KLHL1: variants seen among roughly 807,000 people sequenced by gnomAD.
KLHL1 encodes the protein kelch like family member 1.
Under a neutral mutation model 77.7 loss-of-function variants are expected in KLHL1, and 47 were observed. That is an observed-to-expected ratio of 0.60 (90% CI 0.48 to 0.77). The LOEUF is 0.77. Among genes scored for constraint, KLHL1 ranks in the 30% least tolerant of loss-of-function variants. KLHL1 has a pLI of 0.00. For missense variants in KLHL1, 925 were observed against 910.8 expected (o/e 1.02, Z -0.20); for synonymous variants, 360 against 325.2 (o/e 1.11, Z -1.15).
chr13:69,782,735 C>G (rs1242237797), intron 7 of KLHL1, among the ~76,000 whole-genome samples: 1 of 152,210 alleles, frequency 6.6e-6, no homozygotes, highest in African/African-American at 2.4e-5. Context: ...CCTCTGGGGG[C>G]AGGGCACAGA....
At chr13:69,827,083 G>A (rs56286102) in intron 6 of KLHL1, among the ~76,000 whole-genome samples, 14,508 of 151,458 alleles carry the variant, frequency 0.096, 1,403 homozygotes, top group African/African-American at 0.25. Context: ...AATATGTTAC[G>A]TTAGATTTTG....
intron 9 of KLHL1, among the ~76,000 whole-genome samples, chr13:69,709,472 C>G (rs935580919): frequency 1.3e-5 from 2 of 151,838 alleles, no homozygotes; most frequent in East Asian, 3.9e-4. Context: ...AAGTTAAATG[C>G]GAGTTAGAAA....
intron 6 of KLHL1, among the ~76,000 whole-genome samples, chr13:69,834,627 T>C (rs1878907922): frequency 6.6e-6 from 1 of 152,160 alleles, no homozygotes; most frequent in African/African-American, 2.4e-5. Flanking sequence ...GCAATTTAAA[T>C]TTAGTAGATG....
At chr13:69,724,974 C>A (rs9542053) in intron 8 of KLHL1, among the ~76,000 whole-genome samples, 4,147 of 152,206 alleles carry the variant, frequency 0.027, 72 homozygotes, top group Middle Eastern at 0.044. Context: ...GCCTCACCAG[C>A]GTGATTTGGA....
At chr13:70,020,186 A>T (rs187402877) in intron 1 of KLHL1, among the ~76,000 whole-genome samples, 19 of 152,238 alleles carry the variant, frequency 1.2e-4, no homozygotes, top group African/African-American at 4.1e-4. Context: ...GGACAAAAAG[A>T]TCTATTTAAG....
intron 1 of KLHL1, among the ~76,000 whole-genome samples, chr13:70,100,819 C>G (rs12877706): frequency 0.38 from 58,090 of 152,010 alleles, 11,805 homozygotes; most frequent in South Asian, 0.54. Flanking sequence ...TTTTTTACAA[C>G]TACCACAAAC....
intron 1 of KLHL1, among the ~76,000 whole-genome samples, chr13:70,084,622 C>CTTTTTTTTTTTTTATTTTTTTTTTTT (rs1887482222): frequency 6.7e-5 from 1 of 14,956 alleles, no homozygotes; most frequent in Non-Finnish European, 1.0e-4. Context: ...CCACGCCAGG[C>CTTTTTTTTTTTTTATTTTTTTTTTTT]TTTTTTTTTT....
intron 4 of KLHL1, among the ~76,000 whole-genome samples, chr13:69,883,183 T>G (rs1256034347): frequency 1.3e-5 from 2 of 152,202 alleles, no homozygotes; most frequent in African/African-American, 4.8e-5. Flanking sequence ...TTCCAAACCA[T>G]AAATGTGCTC....
At chr13:69,905,062 C>T (rs1471692532) in intron 4 of KLHL1, among the ~76,000 whole-genome samples, 1 of 152,060 alleles carries the variant, frequency 6.6e-6, no homozygotes, top group African/African-American at 2.4e-5. Flanking sequence ...TCTGTAAATT[C>T]AATTTGCTTC....
intron 6 of KLHL1, among the ~76,000 whole-genome samples, chr13:69,828,312 T>A (rs1283313821): frequency 6.7e-6 from 1 of 150,104 alleles, no homozygotes; most frequent in African/African-American, 2.5e-5. Flanking sequence ...TAACCTTATC[T>A]AGAGCTGAAA....
intron 6 of KLHL1, among the ~76,000 whole-genome samples, chr13:69,809,742 T>C (rs369428652): frequency 1.6e-4 from 25 of 151,606 alleles, no homozygotes; most frequent in African/African-American, 6.0e-4. Flanking sequence ...TTAAAAGACA[T>C]AGAGAGGTAA....
intron 7 of KLHL1, among the ~76,000 whole-genome samples, chr13:69,771,346 A>G (rs528860396): frequency 1.1e-3 from 165 of 151,638 alleles, no homozygotes; most frequent in African/African-American, 3.8e-3. Flanking sequence ...CATCTATTAT[A>G]TTTAAAGTTG....
At chr13:70,033,064 T>C (rs1886145711) in intron 1 of KLHL1, among the ~76,000 whole-genome samples, 1 of 152,208 alleles carries the variant, frequency 6.6e-6, no homozygotes, top group African/African-American at 2.4e-5. Flanking sequence ...AAATATGCAC[T>C]TCACTACATC....
At chr13:70,020,323 T>C (rs1885757893) in intron 1 of KLHL1, among the ~76,000 whole-genome samples, 2 of 152,128 alleles carry the variant, frequency 1.3e-5, no homozygotes, top group Admixed American at 1.3e-4. Flanking sequence ...TGAACCATGC[T>C]CAAAGAATTA....
At chr13:69,832,106 G>A (rs183062104) in intron 6 of KLHL1, among the ~76,000 whole-genome samples, 8 of 149,572 alleles carry the variant, frequency 5.3e-5, no homozygotes, top group Admixed American at 6.7e-5. Flanking sequence ...CAGAACAATC[G>A]GACAAAAGAA....
At chr13:69,883,869 T>G (rs1280020432) in intron 4 of KLHL1, among the ~76,000 whole-genome samples, 1 of 152,198 alleles carries the variant, frequency 6.6e-6, no homozygotes, top group African/African-American at 2.4e-5. Flanking sequence ...CCTTCTCTGC[T>G]CCACCTCTCC....
At chr13:70,062,050 G>C in intron 1 of KLHL1, among the ~76,000 whole-genome samples, 1 of 152,076 alleles carries the variant, frequency 6.6e-6, no homozygotes. Flanking sequence ...CATTCCTCCT[G>C]TCTAGTTGTA....
intron 4 of KLHL1, among the ~76,000 whole-genome samples, chr13:69,930,772 C>T (rs955751107): frequency 6.6e-6 from 1 of 151,636 alleles, no homozygotes; most frequent in Non-Finnish European, 1.5e-5. Context: ...ATTTTTAAAA[C>T]AATCCAAACT....
At chr13:69,801,687 C>T (rs1006525679) in intron 6 of KLHL1, among the ~76,000 whole-genome samples, 1 of 151,510 alleles carries the variant, frequency 6.6e-6, no homozygotes, top group Non-Finnish European at 1.5e-5. Context: ...AGAAATTTTT[C>T]TGACTATTTG....
Sources: allele counts gnomAD v4.1 joint callset (sites outside exome capture counted in the v4.1 genomes callset), GRCh38; gene constraint gnomAD v4.1.1; transcripts MANE v1.5; gene names NCBI Gene and HGNC (gene_info 2026-07-23, HGNC 2026-07-21).